Variants in LMX1B observed in about 807,000 individuals in gnomAD.
The protein encoded by LMX1B is LIM homeobox transcription factor 1-beta.
LMX1B carries 12 observed loss-of-function variants against 51.4 expected under a neutral mutation model. The observed-to-expected ratio is 0.23, with a 90% CI of 0.15 to 0.38. The LOEUF (loss-of-function observed/expected upper bound fraction) is 0.38, where lower values mean the gene tolerates loss of function less well. Among genes scored for constraint, LMX1B ranks in the 10% least tolerant of loss-of-function variants. The pLI is 1.00. For missense variants in LMX1B, 445 were observed against 571.1 expected, an observed-to-expected ratio of 0.78 and a Z score of 2.25; for synonymous variants, 237 against 235.4, an observed-to-expected ratio of 1.01 and a Z score of -0.06.
chr9:126,627,556 C>T (rs575356457), intron 2 of LMX1B, among the ~76,000 whole-genome samples: 2 of 152,070 alleles, frequency 1.3e-5, no homozygotes, highest in Non-Finnish European at 2.9e-5. Flanking sequence ...CCCCCACCAG[C>T]CCTGGCCTCT....
intron 2 of LMX1B, among the ~76,000 whole-genome samples, chr9:126,635,944 G>A (rs992012316): frequency 2.0e-5 from 3 of 152,138 alleles, no homozygotes; most frequent in East Asian, 1.9e-4. Flanking sequence ...AGGGAGAGGC[G>A]TCCCACTCCC....
intron 2 of LMX1B, among the ~76,000 whole-genome samples, chr9:126,685,343 C>T (rs1184989369): frequency 6.6e-6 from 1 of 152,092 alleles, no homozygotes; most frequent in African/African-American, 2.4e-5. Context: ...TGGGTGGGGC[C>T]TTGAGTGCCA....
At chr9:126,689,926 A>G (rs945945719) in intron 2 of LMX1B, among the ~76,000 whole-genome samples, 4 of 152,230 alleles carry the variant, frequency 2.6e-5, no homozygotes, top group African/African-American at 4.8e-5. Flanking sequence ...GTCTCTGCAT[A>G]TAAGATGCTT....
chr9:126,654,262 A>T (rs947798777), intron 2 of LMX1B, among the ~76,000 whole-genome samples: 4 of 151,824 alleles, frequency 2.6e-5, no homozygotes, highest in Admixed American at 1.3e-4. Flanking sequence ...CTTCCCTGAC[A>T]CTCTGCTCAG....
intron 2 of LMX1B, among the ~76,000 whole-genome samples, chr9:126,670,848 A>G (rs1250583736): frequency 6.6e-6 from 1 of 152,232 alleles, no homozygotes; most frequent in Admixed American, 6.5e-5. Context: ...GTTTCTCTTA[A>G]AGTCGCAGTT....
Position 126,677,391 on chromosome 9 carries a change from G to A in LMX1B, c.327-13445G>A, listed in dbSNP as rs1836583468. Among the ~76,000 whole-genome samples, 1 of 152,184 alleles carries A rather than the reference G, an allele frequency of 6.6e-6. No individual in the cohort carries two copies. The highest frequency in any genetic ancestry group is 2.1e-4 in the South Asian group (1 of 4,828). ...GCCTCTGTAGATGACTCAGCCAGGG[G>A]ACTCATCTTGCCCACCCACTACTGC... On this transcript the variant is annotated intron_variant, in intron 2 of 7. Transcript: ENST00000373474. The surrounding 1 kb of genome is among the most constrained non-coding windows in gnomAD (Gnocchi z 5.0).
intron 2 of LMX1B, among the ~76,000 whole-genome samples, chr9:126,659,962 T>A (rs1281496963): frequency 1.3e-5 from 2 of 150,472 alleles, no homozygotes; most frequent in African/African-American, 4.9e-5. Flanking sequence ...TGTGGGGGTG[T>A]CTACACTGGC....
chr9:126,627,919 A>G (rs770618380), intron 2 of LMX1B, among the ~76,000 whole-genome samples: 4 of 152,096 alleles, frequency 2.6e-5, no homozygotes, highest in Admixed American at 6.6e-5. Flanking sequence ...TGGCTTTAAC[A>G]CTGGCCTACT....
At position 126,671,689 on chromosome 9, in the gene LMX1B, G is replaced by A. The variant is rs868826654; in HGVS notation, c.327-19147G>A. On this transcript the variant is annotated intron_variant, in intron 2 of 7. Transcript: ENST00000373474. The surrounding 1 kb of genome is among the most constrained non-coding windows in gnomAD (Gnocchi z 4.4). The stretch of plus-strand genomic sequence containing the variant: ...GGTCAGCGGGCCTGCCCTGTGCCGA[G>A]CGGTGGAATTTTTCAATAACCAGCA... Among the ~76,000 whole-genome samples, 4 of 152,220 alleles carry A rather than the reference G, an allele frequency of 2.6e-5. 1 individual carries two copies. The South Asian group carries it at 8.3e-4, about 32-fold the overall frequency.
At chr9:126,643,426 G>C (rs1835842863) in intron 2 of LMX1B, among the ~76,000 whole-genome samples, 1 of 152,162 alleles carries the variant, frequency 6.6e-6, no homozygotes, top group Non-Finnish European at 1.5e-5. Flanking sequence ...ACTGCCCACT[G>C]TGAGTCCTTG....
intron 2 of LMX1B, among the ~76,000 whole-genome samples, chr9:126,666,153 G>A (rs963519382): frequency 1.3e-5 from 2 of 152,274 alleles, no homozygotes; most frequent in Admixed American, 6.5e-5. Context: ...GAGAGGCACA[G>A]ACGGGTCTGA....
chr9:126,682,870 G>A (rs1588300284), intron 2 of LMX1B, among the ~76,000 whole-genome samples: 3 of 146,566 alleles, frequency 2.0e-5, no homozygotes, highest in Admixed American at 6.9e-5. Flanking sequence ...ACTCCAGCCT[G>A]GGTGACAGAG....
chr9:126,686,538 G>A (rs535254012), intron 2 of LMX1B, among the ~76,000 whole-genome samples: 2 of 152,308 alleles, frequency 1.3e-5, no homozygotes, highest in Admixed American at 1.3e-4. Flanking sequence ...AATGTGTTTG[G>A]AGGTAGGGGA....
In LMX1B at chr9:126,699,283, G is replaced by A. The variant is rs954569457; in HGVS notation, c.*2832G>A. 5 of 152,244 alleles carry A rather than the reference G, an allele frequency of 3.3e-5. No individual in the cohort carries two copies. The highest frequency in any genetic ancestry group is 1.9e-4 in the East Asian group (1 of 5,198). 9.4% of individuals were successfully genotyped at this position (152,244 alleles called of 1,614,324 possible). On this transcript the variant is annotated 3_prime_UTR_variant, in exon 8 of 8. Transcript: ENST00000373474. Reference sequence around the variant, plus strand: ...ACAGAGCTGAGCTGAGAACAGGGACGTTGTGCCCCACTGTCCCCTGTGGTT... The same window carrying A: ...ACAGAGCTGAGCTGAGAACAGGGACATTGTGCCCCACTGTCCCCTGTGGTT...
In LMX1B at chr9:126,696,016, A is replaced by ACCCCCCCCC; in HGVS notation, c.1051+18_1051+19insCCCCCCCCC. On this transcript the variant is annotated intron_variant, in intron 7 of 7. Transcript: ENST00000373474. ...ATGAACCCCTATGGTAAGCCGCCCT[A>ACCCCCCCCC]CCCCCACCCGCCCGCCCCAGCACAG... The ACCCCCCCCC allele has an allele frequency of 6.6e-7, 1 of 1,512,704 alleles. No homozygotes were observed. The highest frequency in any genetic ancestry group is 8.8e-7 in the Non-Finnish European group (1 of 1,131,798). The allele number at this position is 1,512,704 out of a possible 1,614,324, so 93.7% of individuals were successfully genotyped here.
At chr9:126,691,857 AG>A (rs999600634) in intron 3 of LMX1B, among the ~76,000 whole-genome samples, 53 of 152,144 alleles carry the variant, frequency 3.5e-4, no homozygotes, top group Non-Finnish European at 7.4e-5. Context: ...CCCATTTCCC[AG>A]GGTGAAGGAC....
chr9:126,637,509 G>A (rs1377723433), intron 2 of LMX1B, among the ~76,000 whole-genome samples: 1 of 152,084 alleles, frequency 6.6e-6, no homozygotes, highest in African/African-American at 2.4e-5. Flanking sequence ...TGTGGTGTGT[G>A]GCATACAGGT....
chr9:126,657,435 A>G (rs1187040818), intron 2 of LMX1B, among the ~76,000 whole-genome samples: 1 of 152,198 alleles, frequency 6.6e-6, no homozygotes, highest in African/African-American at 2.4e-5. Flanking sequence ...AACTCTGCTT[A>G]TGTGCAAGTC....
In LMX1B at chr9:126,691,067, C is replaced by T. The variant is rs370299750; in HGVS notation, c.558C>T (p.Ser186=). ...LSSVSPDESD[S]VKSEDEDGDM... ...CCGTGAGCCCCGACGAGTCCGACTCCGGTGAGGCCTGGCCTGAGCTGGGGG... is the reference window on the plus strand; with the variant it reads ...CCGTGAGCCCCGACGAGTCCGACTCTGGTGAGGCCTGGCCTGAGCTGGGGG... Residue 186 remains serine (S), a splice_region_variant and synonymous_variant, in exon 3 of 8, where the codon TCC becomes TCT. Coordinates refer to ENST00000373474, the MANE Select transcript of LMX1B (RefSeq NM_001174147.2). 2.5e-6 allele frequency: 4 copies of T among 1,606,438 alleles called. No homozygotes were observed. Among genetic ancestry groups the T allele is most frequent in the Non-Finnish European group, 2.6e-6 (3 of 1,176,232 alleles).
Sources: allele counts gnomAD v4.1 joint callset (sites outside exome capture counted in the v4.1 genomes callset), GRCh38; gene constraint gnomAD v4.1.1; non-coding constraint Gnocchi (gnomAD v3.1); transcripts MANE v1.5; gene names NCBI Gene and HGNC (gene_info 2026-07-23, HGNC 2026-07-21).